GABRA3: variants seen among roughly 807,000 people sequenced by gnomAD.
The protein encoded by GABRA3 is gamma-aminobutyric acid receptor subunit alpha-3.
GABRA3 carries 10 observed loss-of-function variants against 30.1 expected under a neutral mutation model. The observed-to-expected ratio is 0.33, with a 90% CI of 0.20 to 0.56. The LOEUF (loss-of-function observed/expected upper bound fraction) is 0.56. GABRA3 is among the 20% of genes least tolerant of loss of function. GABRA3 has a pLI of 0.89. For missense variants in GABRA3, 233 were observed against 392.0 expected (o/e 0.59, Z 3.42); for synonymous variants, 151 against 146.8 (o/e 1.03, Z -0.21).
At chrX:152,434,673 A>G (rs1930732319) in intron 1 of GABRA3, among the ~76,000 whole-genome samples, 2 of 112,243 alleles carry the variant, frequency 1.8e-5, no homozygotes, top group African/African-American at 3.2e-5. Flanking sequence ...GATATATATA[A>G]CAAGAATAAT....
intron 4 of GABRA3, among the ~76,000 whole-genome samples, chrX:152,259,051 T>G (rs1461660131): frequency 8.9e-6 from 1 of 111,924 alleles, no homozygotes; most frequent in Non-Finnish European, 1.9e-5. Flanking sequence ...CATGGAGAAC[T>G]GTTCTGTACA....
intron 1 of GABRA3, 24 bp from the exon 2 acceptor site, chrX:152,364,620 A>T: frequency 9.2e-7 from 1 of 1,082,823 alleles, no homozygotes; most frequent in South Asian, 2.1e-5. Flanking sequence ...AGTTTAGATA[A>T]GGGATAAGAG....
At chrX:152,254,778 C>CA (rs1938610930) in intron 5 of GABRA3, among the ~76,000 whole-genome samples, 1 of 111,558 alleles carries the variant, frequency 9.0e-6, no homozygotes, top group Non-Finnish European at 1.9e-5. Flanking sequence ...GTTTGTTCTG[C>CA]AAAATAACAA....
chrX:152,373,735 G>A (rs140942848), intron 1 of GABRA3, among the ~76,000 whole-genome samples: 2 of 110,336 alleles, frequency 1.8e-5, no homozygotes, highest in African/African-American at 6.6e-5. Flanking sequence ...CCGTTAACTC[G>A]TTATTTACGT....
intron 3 of GABRA3, among the ~76,000 whole-genome samples, chrX:152,326,269 GA>G (rs1198710659): frequency 6.2e-4 from 69 of 111,814 alleles, no homozygotes; most frequent in Non-Finnish European, 1.1e-3. Flanking sequence ...AACCAAGTTG[GA>G]AAACACTCTT....
intron 9 of GABRA3, among the ~76,000 whole-genome samples, chrX:152,182,575 C>CT (rs1569348372): frequency 5.5e-3 from 113 of 20,450 alleles, no homozygotes; most frequent in African/African-American, 0.023. Flanking sequence ...ACTATATATG[C>CT]ATATATAGTG....
At chrX:152,212,566 G>A (rs1306591260) in intron 6 of GABRA3, among the ~76,000 whole-genome samples, 3 of 110,255 alleles carry the variant, frequency 2.7e-5, no homozygotes, top group Non-Finnish European at 5.7e-5. Flanking sequence ...GATGGCTGGT[G>A]GAAAAGAGTG....
intron 3 of GABRA3, among the ~76,000 whole-genome samples, chrX:152,342,778 G>A (rs1420458793): frequency 3.6e-5 from 4 of 111,512 alleles, no homozygotes; most frequent in African/African-American, 1.3e-4. Context: ...CCTTTGTCAT[G>A]TGGGACTAGA....
In GABRA3 at chrX:152,273,284, A is replaced by G. The variant is rs770059746; in HGVS notation, c.330+11384T>C. On this transcript the variant is annotated intron_variant, in intron 4 of 9. Transcript: ENST00000370314. Reference sequence around the variant, plus strand: ...AATGGCTTCTATCTGAAAGACAGGCAATTACAGATGCTTGCAAGGATGCGA... The same window carrying G: ...AATGGCTTCTATCTGAAAGACAGGCGATTACAGATGCTTGCAAGGATGCGA... 2.2e-3 allele frequency among the ~76,000 whole-genome samples: 247 copies of G among 112,278 alleles called. 1 individual carries two copies. The highest frequency in any genetic ancestry group is 3.9e-3 in the Non-Finnish European group (206 of 53,238).
intron 6 of GABRA3, among the ~76,000 whole-genome samples, chrX:152,215,976 T>A (rs1463538502): frequency 9.0e-6 from 1 of 111,112 alleles, no homozygotes; most frequent in Non-Finnish European, 1.9e-5. Context: ...CCTCCAGGTA[T>A]ATAAAAAATG....
intron 1 of GABRA3, among the ~76,000 whole-genome samples, chrX:152,403,944 G>C (rs1251731558): frequency 7.2e-5 from 8 of 110,859 alleles, no homozygotes; most frequent in African/African-American, 2.3e-4. Context: ...TTTCCAAGGA[G>C]GCATTTACTG....
intron 2 of GABRA3, among the ~76,000 whole-genome samples, chrX:152,359,392 T>C (rs753787669): frequency 1.3e-4 from 14 of 111,335 alleles, no homozygotes; most frequent in African/African-American, 4.6e-4. Flanking sequence ...TTCTCTGGGG[T>C]CAGCAGTAAC....
intron 9 of GABRA3, among the ~76,000 whole-genome samples, chrX:152,182,769 GTATA>G (rs1205977518): frequency 1.4e-4 from 1 of 7,054 alleles, no homozygotes; most frequent in African/African-American, 4.4e-4. Flanking sequence ...TGTATATATA[GTATA>G]TATATACAGT....
At chrX:152,442,954 A>C (rs1051678970) in intron 1 of GABRA3, among the ~76,000 whole-genome samples, 3 of 112,035 alleles carry the variant, frequency 2.7e-5, no homozygotes, top group Non-Finnish European at 5.7e-5. Flanking sequence ...GAAATTCTTA[A>C]ACACGAATTC....
chrX:152,394,365 A>G (rs1243590721), intron 1 of GABRA3: 1 of 378,723 alleles, frequency 2.6e-6, no homozygotes, highest in East Asian at 7.6e-5. Context: ...AACAGAGCAG[A>G]AAAATGAGTG....
chrX:152,190,296 C>A (rs1482619628), intron 8 of GABRA3, among the ~76,000 whole-genome samples: 1 of 109,993 alleles, frequency 9.1e-6, no homozygotes, highest in Non-Finnish European at 1.9e-5. Flanking sequence ...AATCTGGCTT[C>A]TTCTAGCTAC....
chrX:152,394,390 G>A (rs764059222), intron 1 of GABRA3: 1 of 382,989 alleles, frequency 2.6e-6, no homozygotes, highest in Non-Finnish European at 5.2e-6. Context: ...TGTTCCAGAA[G>A]CAGATGGCAA....
At position 152,278,369 on chromosome X, in the gene GABRA3, T is replaced by C. The variant is rs1016346961; in HGVS notation, c.330+6299A>G. ...GTGAGAACATGTGGTGTTTGGTTTTTTGTCCTTGCAATAGTTTGCTGAGAA... is the reference window on the plus strand; with the variant it reads ...GTGAGAACATGTGGTGTTTGGTTTTCTGTCCTTGCAATAGTTTGCTGAGAA... On this transcript the variant is annotated intron_variant, in intron 4 of 9. Transcript: ENST00000370314. Among the ~76,000 whole-genome samples the C allele has an allele frequency of 2.8e-5, 3 of 108,947 alleles. No individual in the cohort carries two copies. The East Asian group carries it at 8.7e-4, about 32-fold the overall frequency. 94.6% of individuals were successfully genotyped at this position (108,947 alleles called of 115,157 possible).
chrX:152,353,090 A>G (rs1940502079), intron 2 of GABRA3, among the ~76,000 whole-genome samples: 1 of 110,869 alleles, frequency 9.0e-6, no homozygotes, highest in Non-Finnish European at 1.9e-5. Flanking sequence ...AGAAGAACTA[A>G]CCTGATTTTG....
Sources: allele counts gnomAD v4.1 joint callset (sites outside exome capture counted in the v4.1 genomes callset), GRCh38; gene constraint gnomAD v4.1.1; transcripts MANE v1.5; gene names NCBI Gene and HGNC (gene_info 2026-07-23, HGNC 2026-07-21).